The following ABCC1 variants were observed in gnomAD, a reference collection of about 807,000 sequenced individuals.
ABCC1 encodes the protein ATP binding cassette subfamily C member 1 (ABCC1 blood group).
In ABCC1, 83 loss-of-function variants were observed where a neutral mutation model predicts 172.9. The observed-to-expected ratio is 0.48, with a 90% CI of 0.40 to 0.58. The LOEUF (loss-of-function observed/expected upper bound fraction) is 0.58. Among genes scored for constraint, ABCC1 ranks in the 20% least tolerant of loss-of-function variants. The pLI is 0.00. For missense variants in ABCC1, 1,817 were observed against 2,002.7 expected (o/e 0.91, Z 1.77); for synonymous variants, 937 against 825.2 (o/e 1.14, Z -2.32).
intron 7 of ABCC1, among the ~76,000 whole-genome samples, chr16:16,043,665 G>C (rs1055796479): frequency 2.0e-5 from 3 of 151,490 alleles, no homozygotes; most frequent in African/African-American, 7.3e-5. Flanking sequence ...GCAATGGCCT[G>C]ATCTCCACTC....
At chr16:15,988,971 A>AGGT (rs2046800660) in intron 1 of ABCC1, among the ~76,000 whole-genome samples, 1 of 145,042 alleles carries the variant, frequency 6.9e-6, no homozygotes. Context: ...TGAGAGGCTG[A>AGGT]GGTGGGAGGA....
intron 19 of ABCC1, among the ~76,000 whole-genome samples, chr16:16,093,264 C>A (rs1224071237): frequency 2.0e-5 from 3 of 152,050 alleles, no homozygotes; most frequent in Non-Finnish European, 4.4e-5. Context: ...CTCTCTAAAT[C>A]AAAATGTGTG....
intron 9 of ABCC1, among the ~76,000 whole-genome samples, chr16:16,046,765 A>ATTTT (rs59987503): frequency 2.8e-5 from 4 of 145,040 alleles, no homozygotes; most frequent in Non-Finnish European, 3.0e-5. Flanking sequence ...ATCCCTATAA[A>ATTTT]TTTTTTTTTT....
At chr16:16,036,343 C>A in intron 6 of ABCC1, 129 bp from the exon 7 acceptor site, 2 of 805,868 alleles carry the variant, frequency 2.5e-6, no homozygotes, top group East Asian at 2.9e-5. Flanking sequence ...TGGCTGCCTT[C>A]ATTTGCAGCG....
chr16:16,138,645 C>G (rs1003995139), intron 30 of ABCC1, 87 bp downstream of exon 30: 59 of 1,143,610 alleles, frequency 5.2e-5, no homozygotes, highest in Non-Finnish European at 6.7e-5. Flanking sequence ...TCATTCAACA[C>G]TGTCCTTATC....
intron 19 of ABCC1, among the ~76,000 whole-genome samples, chr16:16,099,510 G>T (rs1279638911): frequency 6.6e-6 from 1 of 152,190 alleles, no homozygotes; most frequent in East Asian, 1.9e-4. Context: ...AACAAACAGA[G>T]GGTGTTTCCT....
intron 14 of ABCC1, among the ~76,000 whole-genome samples, chr16:16,074,792 C>G (rs2050489517): frequency 6.6e-6 from 1 of 152,218 alleles, no homozygotes; most frequent in African/African-American, 2.4e-5. Context: ...GGTTAACCAG[C>G]ACCTTCCTCT....
intron 17 of ABCC1, among the ~76,000 whole-genome samples, chr16:16,085,291 T>A (rs954186805): frequency 6.6e-6 from 1 of 152,138 alleles, no homozygotes; most frequent in African/African-American, 2.4e-5. Context: ...CTGGGGTGCC[T>A]CCCCTGCTGC....
At chr16:16,017,717 A>G (rs1363773452) in intron 5 of ABCC1, among the ~76,000 whole-genome samples, 2 of 152,004 alleles carry the variant, frequency 1.3e-5, no homozygotes, top group African/African-American at 2.4e-5. Context: ...CCTATTCTTT[A>G]TTTTTTTAAA....
chr16:15,968,502 G>A (rs1454038795), intron 1 of ABCC1, among the ~76,000 whole-genome samples: 2 of 151,794 alleles, frequency 1.3e-5, no homozygotes, highest in Non-Finnish European at 2.9e-5. Flanking sequence ...TTCACCTGCC[G>A]AGTAGCTAGG....
intron 1 of ABCC1, among the ~76,000 whole-genome samples, chr16:16,002,701 G>A (rs2047358349): frequency 6.6e-6 from 1 of 151,034 alleles, no homozygotes; most frequent in African/African-American, 2.4e-5. Context: ...GAGCCTGAGA[G>A]GTTGAGGCTG....
At position 16,122,093 on chromosome 16, in the gene ABCC1, A is replaced by AGCAG; in HGVS notation, c.3511_3514dup (p.Glu1172AlafsTer9). On this transcript the variant is annotated frameshift_variant, in exon 24 of 31. Transcript: ENST00000399410. LOFTEE classifies it high-confidence loss of function. Reference sequence around the variant, plus strand: ...GTCAGCGTCATTCGAGCCTTCGAGGAGCAGGAGCGCTTCATCCACCAGAGT... The same window carrying AGCAG: ...GTCAGCGTCATTCGAGCCTTCGAGGAGCAGGCAGGAGCGCTTCATCCACCAGAGT... 6.2e-7 allele frequency: 1 copy of AGCAG among 1,614,180 alleles called. No homozygotes were observed. Among genetic ancestry groups the AGCAG allele is most frequent in the Non-Finnish European group, 8.5e-7 (1 of 1,180,036 alleles).
intron 7 of ABCC1, among the ~76,000 whole-genome samples, chr16:16,037,191 A>G (rs914725408): frequency 6.6e-6 from 1 of 151,826 alleles, no homozygotes; most frequent in African/African-American, 2.4e-5. Context: ...AGTCAGTCTC[A>G]CTTTTTTCTG....
At chr16:16,111,347 A>AT in intron 21 of ABCC1, 28 bp from the exon 22 acceptor site, 1 of 1,606,328 alleles carries the variant, frequency 6.2e-7, no homozygotes, top group Non-Finnish European at 8.5e-7. Flanking sequence ...TGCATGTGCT[A>AT]AGCTGCCTTA....
chr16:16,042,899 C>T (rs2151870121), intron 7 of ABCC1, among the ~76,000 whole-genome samples: 1 of 152,212 alleles, frequency 6.6e-6, no homozygotes, highest in South Asian at 2.1e-4. Context: ...TGCTGTGGCG[C>T]TGAGGCTGGA....
intron 9 of ABCC1, among the ~76,000 whole-genome samples, chr16:16,046,545 A>G (rs900823354): frequency 3.4e-4 from 51 of 152,098 alleles, no homozygotes; most frequent in African/African-American, 1.2e-3. Flanking sequence ...GGGTTTCGCC[A>G]TGTTGGCCAG....
intron 29 of ABCC1, among the ~76,000 whole-genome samples, chr16:16,138,111 C>A (rs917843481): frequency 7.2e-5 from 11 of 152,130 alleles, no homozygotes; most frequent in African/African-American, 2.7e-4. Context: ...CCCACCTCAG[C>A]CTCCCAAAGT....
At chr16:16,135,182 G>A (rs552936884) in intron 28 of ABCC1, among the ~76,000 whole-genome samples, 11 of 152,218 alleles carry the variant, frequency 7.2e-5, no homozygotes, top group African/African-American at 2.6e-4. Flanking sequence ...TTTAATTTTC[G>A]ATTCACGGGG....
intron 22 of ABCC1, among the ~76,000 whole-genome samples, chr16:16,113,426 C>T (rs1003268293): frequency 7.2e-5 from 11 of 152,132 alleles, no homozygotes; most frequent in African/African-American, 2.7e-4. Flanking sequence ...GAGGCCAAGG[C>T]GGGTGGATCG....
Sources: gnomAD v4.1 joint callset for allele counts (sites outside exome capture counted in the v4.1 genomes callset) on GRCh38, gnomAD v4.1.1 for gene constraint, MANE v1.5 for transcripts, NCBI Gene and HGNC (gene_info 2026-07-23, HGNC 2026-07-21) for gene names.